Variants in NXPH2 observed in about 807,000 individuals in gnomAD.
The protein encoded by NXPH2 is neurexophilin 2, also known as neurexophilin-2.
NXPH2 carries 5 observed loss-of-function variants against 19.8 expected under a neutral mutation model. The observed-to-expected ratio is 0.25, with a 90% CI of 0.13 to 0.53. The LOEUF is 0.53. Ranked by LOEUF, NXPH2 falls within the 20% of genes least tolerant of loss-of-function variation. NXPH2 has a pLI of 0.96. For synonymous variants in NXPH2, 154 were observed against 127.4 expected, an observed-to-expected ratio of 1.21 and a Z score of -1.41; for missense variants, 289 against 322.8, an observed-to-expected ratio of 0.90 and a Z score of 0.80.
rs1573946873 is a variant in NXPH2 at position 138,669,544 on chromosome 2, C to T, written c.*1378G>A. Among the ~76,000 whole-genome samples, 1 of 152,128 alleles carries T rather than the reference C, an allele frequency of 6.6e-6. No individual in the cohort carries two copies. The highest frequency in any genetic ancestry group is 1.5e-5 in the Non-Finnish European group (1 of 67,994). ...TAAGAGTATTTCTTGTTGTTTAGGA[C>T]TTCTCTTCCTTTAGTCCTCAATTTA... On this transcript the variant is annotated 3_prime_UTR_variant, in exon 2 of 2. Coordinates refer to ENST00000272641, the MANE Select transcript of NXPH2 (RefSeq NM_007226.3).
intron 1 of NXPH2, among the ~76,000 whole-genome samples, chr2:138,762,521 G>T (rs1284130210): frequency 4.6e-5 from 7 of 152,140 alleles, no homozygotes; most frequent in African/African-American, 1.7e-4. Flanking sequence ...GAAGGAATTT[G>T]CTTAATGACT....
chr2:138,747,333 G>A (rs1028287964), intron 1 of NXPH2, among the ~76,000 whole-genome samples: 3 of 152,128 alleles, frequency 2.0e-5, no homozygotes, highest in African/African-American at 7.2e-5. Flanking sequence ...TGCTTGAGGA[G>A]GGGCTGGATA....
chr2:138,708,397 C>T (rs1235589858), intron 1 of NXPH2, among the ~76,000 whole-genome samples: 1 of 152,132 alleles, frequency 6.6e-6, no homozygotes, highest in Non-Finnish European at 1.5e-5. Flanking sequence ...TTTAATATTG[C>T]AAAGGACTGT....
chr2:138,678,723 A>G (rs940433079), intron 1 of NXPH2, among the ~76,000 whole-genome samples: 1 of 152,228 alleles, frequency 6.6e-6, no homozygotes, highest in Admixed American at 6.5e-5. Context: ...TGATAGCTCT[A>G]TAAAAAAGAG....
intron 1 of NXPH2, among the ~76,000 whole-genome samples, chr2:138,672,889 G>A (rs921254298): frequency 2.6e-5 from 4 of 152,096 alleles, no homozygotes; most frequent in South Asian, 4.1e-4. Context: ...TTGACTAGAC[G>A]GTATAGTTTG....
intron 1 of NXPH2, among the ~76,000 whole-genome samples, chr2:138,719,988 C>A (rs1055994238): frequency 2.0e-5 from 3 of 152,068 alleles, no homozygotes; most frequent in African/African-American, 7.2e-5. Context: ...ACATGTACCA[C>A]CTCATTATTC....
chr2:138,770,351 A>G (rs2104843754), intron 1 of NXPH2, among the ~76,000 whole-genome samples: 1 of 152,284 alleles, frequency 6.6e-6, no homozygotes, highest in Admixed American at 6.5e-5. Flanking sequence ...AAAAACACAT[A>G]CATAAAATAA....
At chr2:138,689,953 G>C (rs72986882) in intron 1 of NXPH2, among the ~76,000 whole-genome samples, 1 of 152,186 alleles carries the variant, frequency 6.6e-6, no homozygotes, top group African/African-American at 2.4e-5. Flanking sequence ...AGTAGCTTGA[G>C]GGGGTGGCAG....
chr2:138,758,833 C>T (rs1215505340), intron 1 of NXPH2, among the ~76,000 whole-genome samples: 2 of 152,172 alleles, frequency 1.3e-5, no homozygotes, highest in Admixed American at 1.3e-4. Flanking sequence ...TGGTCCCAAG[C>T]CACTCCAATC....
chr2:138,700,832 G>C (rs1051108551), intron 1 of NXPH2, among the ~76,000 whole-genome samples: 7 of 151,982 alleles, frequency 4.6e-5, no homozygotes, highest in Non-Finnish European at 1.0e-4. Context: ...GTAATTATGT[G>C]TTGGTTCATA....
Position 138,780,275 on chromosome 2 carries a change from C to A in NXPH2, c.-34G>T. ...CTGGCGCGGCTTTTCACGAGCTGCGCGCCCTCGCCTGCCTCTCGCGCATCT... is the reference window on the plus strand; with the variant it reads ...CTGGCGCGGCTTTTCACGAGCTGCGAGCCCTCGCCTGCCTCTCGCGCATCT... On this transcript the variant is annotated 5_prime_UTR_variant, in exon 1 of 2. Transcript: ENST00000272641. The A allele has an allele frequency of 7.1e-7, 1 of 1,406,932 alleles. No individual in the cohort carries two copies. The highest frequency in any genetic ancestry group is 1.6e-5 in the South Asian group (1 of 64,336). 87.2% of individuals were successfully genotyped at this position (1,406,932 alleles called of 1,614,324 possible). A position where few individuals can be genotyped will look rare whatever the true frequency, so the allele number is the denominator to read the frequency against.
At chr2:138,756,940 C>T (rs553088179) in intron 1 of NXPH2, among the ~76,000 whole-genome samples, 20 of 152,290 alleles carry the variant, frequency 1.3e-4, no homozygotes, top group African/African-American at 4.8e-4. Context: ...TAAACTCTTA[C>T]TCTAAGCAAA....
chr2:138,734,683 A>G (rs1374614607), intron 1 of NXPH2, among the ~76,000 whole-genome samples: 2 of 152,236 alleles, frequency 1.3e-5, no homozygotes, highest in East Asian at 3.8e-4. Flanking sequence ...TTGAAGAGGC[A>G]GAACAAACAA....
chr2:138,690,106 C>T (rs966768786), intron 1 of NXPH2, among the ~76,000 whole-genome samples: 8 of 152,170 alleles, frequency 5.3e-5, no homozygotes, highest in African/African-American at 1.9e-4. Context: ...CTCCTGCAAA[C>T]GTTTTCTACT....
intron 1 of NXPH2, among the ~76,000 whole-genome samples, chr2:138,715,784 T>C (rs1315973993): frequency 6.6e-6 from 1 of 152,208 alleles, no homozygotes; most frequent in African/African-American, 2.4e-5. Flanking sequence ...CTCCATTTCT[T>C]TTCCTTCCCA....
At position 138,670,827 on chromosome 2, in the gene NXPH2, AC is replaced by A. The variant is rs1680402045; in HGVS notation, c.*94del. 1 of 1,357,174 alleles carries A rather than the reference AC, an allele frequency of 7.4e-7. No individual in the cohort carries two copies. The highest frequency in any genetic ancestry group is 1.0e-6 in the Non-Finnish European group (1 of 1,004,094). 84.1% of individuals were successfully genotyped at this position (1,357,174 alleles called of 1,614,324 possible). On this transcript the variant is annotated 3_prime_UTR_variant, in exon 2 of 2. Coordinates refer to ENST00000272641, the MANE Select transcript of NXPH2 (RefSeq NM_007226.3). ...AGGGAACTATTGTTCACTGCCAGAA[AC>A]AAAAGGGATCCTTTATCATAAAGAG...
At chr2:138,767,151 T>C (rs1682104416) in intron 1 of NXPH2, among the ~76,000 whole-genome samples, 1 of 152,208 alleles carries the variant, frequency 6.6e-6, no homozygotes, top group South Asian at 2.1e-4. Flanking sequence ...CTTTCATGCT[T>C]TGAATATAAA....
intron 1 of NXPH2, among the ~76,000 whole-genome samples, chr2:138,688,436 C>T: frequency 6.6e-6 from 1 of 152,186 alleles, no homozygotes; most frequent in Non-Finnish European, 1.5e-5. Context: ...CCTGCCTCAA[C>T]CTCCGAATGT....
At chr2:138,683,724 T>A (rs1680610037) in intron 1 of NXPH2, among the ~76,000 whole-genome samples, 1 of 152,224 alleles carries the variant, frequency 6.6e-6, no homozygotes, top group South Asian at 2.1e-4. Flanking sequence ...ATATGATTTG[T>A]ATCTACAATC....
Sources: gnomAD v4.1 joint callset for allele counts (sites outside exome capture counted in the v4.1 genomes callset) on GRCh38, gnomAD v4.1.1 for gene constraint, MANE v1.5 for transcripts, NCBI Gene and HGNC (gene_info 2026-07-23, HGNC 2026-07-21) for gene names.